BSN: variants seen among roughly 807,000 people sequenced by gnomAD.
The protein encoded by BSN is protein bassoon.
Under a neutral mutation model 264.8 loss-of-function variants are expected in BSN, and 57 were observed. The observed-to-expected ratio is 0.22, with a 90% CI of 0.17 to 0.27. BSN has a LOEUF of 0.27. Among genes scored for constraint, BSN ranks in the 10% least tolerant of loss-of-function variants. The probability of loss-of-function intolerance (pLI) is 1.00; values close to 1 mark genes in which losing one functional copy is unlikely to be tolerated. For missense variants in BSN, 4,615 were observed against 5,232.5 expected, an observed-to-expected ratio of 0.88 and a Z score of 3.64; for synonymous variants, 2,059 against 2,137.3, an observed-to-expected ratio of 0.96 and a Z score of 1.01.
chr3:49,659,142 G>A (rs893436898), intron 5 of BSN, among the ~76,000 whole-genome samples: 22 of 152,190 alleles, frequency 1.4e-4, no homozygotes, highest in Admixed American at 1.4e-3. Context: ...ACACAGAGAC[G>A]AGAAAAGTGG....
Position 49,657,307 on chromosome 3 carries a change from G to T in BSN, c.7751G>T (p.Ser2584Ile). ...GTGGTCAGGAGGATTGCCGACAGCA[G>T]CGTGCAGACAGACGATGAGGATGGG... ...PCVVRRIADS[S>I]VQTDDEDGES... is the part of the protein sequence containing the mutation. The change falls in exon 5 of 12, where the codon AGC (serine) becomes ATC (isoleucine). Residue 2584 changes from serine to isoleucine, a missense_variant. Ser to Ile is a moderately radical substitution (Grantham distance 142, BLOSUM62 -2). Around this residue, in one of 3 missense-constraint regions of BSN, gnomAD observed 3,415 missense variants for 3,866.4 expected, o/e 0.88. Coordinates refer to ENST00000296452, the MANE Select transcript of BSN (RefSeq NM_003458.4). 1 of 1,613,436 alleles carries T rather than the reference G, an allele frequency of 6.2e-7. No homozygotes were observed. The highest frequency in any genetic ancestry group is 8.5e-7 in the Non-Finnish European group (1 of 1,179,952).
At chr3:49,589,761 G>C (rs1309246673) in intron 1 of BSN, among the ~76,000 whole-genome samples, 1 of 150,466 alleles carries the variant, frequency 6.6e-6, no homozygotes, top group Non-Finnish European at 1.5e-5. Context: ...ACAGCCTTTG[G>C]CCTCCTGAAG....
Position 49,653,284 on chromosome 3 carries a change from C to T in BSN, c.3728C>T (p.Pro1243Leu). 1.2e-6 allele frequency: 2 copies of T among 1,612,416 alleles called. No individual in the cohort carries two copies. Among genetic ancestry groups the T allele is most frequent in the Non-Finnish European group, 1.7e-6 (2 of 1,179,846 alleles). Residue 1243 changes from proline to leucine, a missense_variant, in exon 5 of 12, where the codon CCT becomes CTT. Around this residue, in one of 3 missense-constraint regions of BSN, gnomAD observed 3,415 missense variants for 3,866.4 expected, o/e 0.88. Coordinates refer to ENST00000296452, the MANE Select transcript of BSN (RefSeq NM_003458.4). This position sits in a 1 kb window ranked among gnomAD's most constrained non-coding sequence, Gnocchi z 6.3. ...TDREYGQAAQ[P>L]AAEGTPASLG... is the part of the protein sequence containing the mutation. ...CGTGAGTATGGCCAGGCTGCTCAGC[C>T]TGCCGCAGAGGGCACGCCAGCCAGC... is the stretch of plus-strand genomic sequence containing the variant.
chr3:49,614,276 G>T (rs2052239786), intron 1 of BSN, among the ~76,000 whole-genome samples: 1 of 151,842 alleles, frequency 6.6e-6, no homozygotes. Context: ...AGCCAGGATG[G>T]TCTTGATCTC....
At chr3:49,649,396 C>T (rs1436199424) in intron 3 of BSN, among the ~76,000 whole-genome samples, 1 of 152,230 alleles carries the variant, frequency 6.6e-6, no homozygotes, top group African/African-American at 2.4e-5. Flanking sequence ...AGGCTCTGCG[C>T]CACAGAGTAA....
In BSN at chr3:49,651,481, A is replaced by G; in HGVS notation, c.1987-62A>G. On this transcript the variant is annotated intron_variant, in intron 4 of 11. Transcript: ENST00000296452. This position sits in a 1 kb window ranked among gnomAD's most constrained non-coding sequence, Gnocchi z 5.4. ...CAGGGTCCTGGGATTGACAGGGAGG[A>G]TTGGGTTCCCACCACGAGCTTTGCC... 3.3e-6 allele frequency: 5 copies of G among 1,497,430 alleles called. No individual in the cohort carries two copies. Among genetic ancestry groups the G allele is most frequent in the Non-Finnish European group, 4.5e-6 (5 of 1,114,534 alleles). The allele number at this position is 1,497,430 out of a possible 1,614,324, so 92.8% of individuals were successfully genotyped here. A position where few individuals can be genotyped will look rare whatever the true frequency, so the allele number is the denominator to read the frequency against.
intron 1 of BSN, among the ~76,000 whole-genome samples, chr3:49,564,318 C>T (rs766208984): frequency 1.3e-5 from 2 of 152,180 alleles, no homozygotes; most frequent in Non-Finnish European, 2.9e-5. Flanking sequence ...TGGGCATCTT[C>T]ACACGAAGTC....
At chr3:49,628,872 C>T (rs940603391) in intron 2 of BSN, among the ~76,000 whole-genome samples, 2 of 152,110 alleles carry the variant, frequency 1.3e-5, no homozygotes, top group Non-Finnish European at 2.9e-5. Context: ...GAAGCTGGTT[C>T]AGAACAAATA....
intron 1 of BSN, among the ~76,000 whole-genome samples, chr3:49,592,515 A>C (rs964086641): frequency 2.0e-5 from 3 of 151,358 alleles, no homozygotes; most frequent in Non-Finnish European, 4.4e-5. Flanking sequence ...GCACTTTGGG[A>C]GGCTGAGGCG....
chr3:49,662,987 G>A lies in BSN; in HGVS notation c.10829G>A (p.Arg3610Gln), dbSNP rs1371788564. Residue 3610 changes from arginine to glutamine, a missense_variant, in exon 7 of 12, where the codon CGA becomes CAA. By Grantham distance (43) the Arg-to-Gln change is conservative (BLOSUM62 1). Coordinates refer to ENST00000296452, the MANE Select transcript of BSN (RefSeq NM_003458.4). ...GHAVSSSSQK[R>Q]GPARHSYHDY... is the part of the protein sequence containing the mutation. ...GCAGTTTCCTCCTCCTCCCAGAAGCGAGGCCCTGCCAGGCACAGCTACCAT... is the reference window on the plus strand; with the variant it reads ...GCAGTTTCCTCCTCCTCCCAGAAGCAAGGCCCTGCCAGGCACAGCTACCAT... 16 of 1,613,992 alleles carry A rather than the reference G, an allele frequency of 9.9e-6. No homozygotes were observed. The highest frequency in any genetic ancestry group is 1.4e-5 in the Non-Finnish European group (16 of 1,180,020).
At chr3:49,620,485 A>G (rs1174482499) in intron 1 of BSN, among the ~76,000 whole-genome samples, 1 of 152,110 alleles carries the variant, frequency 6.6e-6, no homozygotes, top group Non-Finnish European at 1.5e-5. Context: ...AGCAAATCCA[A>G]TGGCCAAATG....
intron 1 of BSN, among the ~76,000 whole-genome samples, chr3:49,564,010 C>T (rs1393991040): frequency 6.6e-6 from 1 of 152,168 alleles, no homozygotes; most frequent in East Asian, 1.9e-4. Flanking sequence ...GGCTGAGGTC[C>T]CTGCGCTTAC....
intron 2 of BSN, among the ~76,000 whole-genome samples, chr3:49,629,694 GA>G (rs2052370454): frequency 6.6e-6 from 1 of 152,224 alleles, no homozygotes; most frequent in Admixed American, 6.5e-5. Flanking sequence ...AATCCTCCCA[GA>G]GCACCATCTA....
intron 1 of BSN, among the ~76,000 whole-genome samples, chr3:49,583,977 C>T (rs935154553): frequency 6.6e-6 from 1 of 152,126 alleles, no homozygotes; most frequent in African/African-American, 2.4e-5. Context: ...GAGTTCACTC[C>T]ATTCTCCTGC....
At chr3:49,626,336 C>T (rs531496378) in intron 2 of BSN, among the ~76,000 whole-genome samples, 75 of 152,236 alleles carry the variant, frequency 4.9e-4, no homozygotes, top group Admixed American at 1.3e-3. Context: ...CAGCTGGAGC[C>T]GTTTGGACCA....
downstream of BSN, among the ~76,000 whole-genome samples, chr3:49,673,087 C>CTTTTTTTTTTTTTTTTT (rs71080543): frequency 5.6e-3 from 242 of 43,186 alleles, 64 homozygotes; most frequent in East Asian, 0.031. Context: ...CCGGCCGGGA[C>CTTTTTTTTTTTTTTTTT]TTTTTTTTTT....
rs572736678 is a variant in BSN, at chr3:49,650,691, C to T, written c.1598C>T (p.Pro533Leu). Residue 533 changes from proline (P) to leucine (L), a missense_variant, in exon 4 of 12, where the codon CCG (proline) becomes CTG (leucine). Coordinates refer to ENST00000296452, the MANE Select transcript of BSN (RefSeq NM_003458.4). ...CTAGGAGAGCCGACCCCCCTGCCGC[C>T]GCCCACCTCACAGCAGCCCCCTGTA... Reference protein sequence around the residue: ...GSLGEPTPLPPPTSQQPPVGA... With the variant: ...GSLGEPTPLPLPTSQQPPVGA... The T allele has an allele frequency of 4.6e-5, 74 of 1,610,306 alleles. No individual in the cohort carries two copies. Among genetic ancestry groups the T allele is most frequent in the African/African-American group, 2.3e-4 (17 of 74,764 alleles).
chr3:49,645,429 TC>T lies in BSN; in HGVS notation c.1518+2279del. ...GCAGCCCGGGGTCATCCTCACCTCC[TC>T]CTCTTTAACCTCTGCACCTGCTCCA... On this transcript the variant is annotated intron_variant, in intron 3 of 11. Transcript: ENST00000296452. Among the ~76,000 whole-genome samples the T allele has an allele frequency of 2.6e-5, 4 of 152,148 alleles. No individual in the cohort carries two copies. The South Asian group carries it at 8.3e-4, about 32-fold the overall frequency.
chr3:49,598,378 AGTGTGT>A (rs2108030284), intron 1 of BSN, among the ~76,000 whole-genome samples: 1 of 152,308 alleles, frequency 6.6e-6, no homozygotes, highest in South Asian at 2.1e-4. Flanking sequence ...TTTTCCCTGA[AGTGTGT>A]AACTTCTGAT....
Sources: gnomAD v4.1 joint callset for allele counts (sites outside exome capture counted in the v4.1 genomes callset) on GRCh38, gnomAD v4.1.1 for gene constraint, gnomAD v4.1.1 regional missense constraint, Gnocchi (gnomAD v3.1) non-coding constraint, MANE v1.5 for transcripts, NCBI Gene and HGNC (gene_info 2026-07-23, HGNC 2026-07-21) for gene names.